The following LRP4 variants were observed in gnomAD, a reference collection of about 807,000 sequenced individuals.
LRP4 encodes LDL receptor related protein 4.
A neutral mutation model predicts 220.3 loss-of-function variants in LRP4; 95 were observed. That is an observed-to-expected ratio of 0.43 (90% CI 0.37 to 0.51). The LOEUF (loss-of-function observed/expected upper bound fraction) is 0.51, where lower values mean the gene tolerates loss of function less well. Ranked by LOEUF, LRP4 falls within the 20% of genes least tolerant of loss-of-function variation. The pLI is 0.00. For synonymous variants in LRP4, 903 were observed against 954.6 expected (o/e 0.95, Z 1.00); for missense variants, 1,925 against 2,567.0 (o/e 0.75, Z 5.40).
chr11:46,886,304 C>T (rs1047635989), intron 17 of LRP4, 21 bp downstream of exon 17: 3 of 1,588,938 alleles, frequency 1.9e-6, no homozygotes, highest in South Asian at 2.3e-5. Flanking sequence ...CACCCTTCAA[C>T]CTCCCCACGC....
intron 20 of LRP4, 112 bp from the exon 21 acceptor site, chr11:46,879,427 T>A: frequency 6.0e-6 from 6 of 1,000,610 alleles, no homozygotes; most frequent in Non-Finnish European, 9.2e-6. Context: ...ACCTACTGGG[T>A]GACCTCCAGT....
At position 46,859,106 on chromosome 11, in the gene LRP4, C is replaced by T; in HGVS notation, c.5595G>A (p.Leu1865=). The T allele has an allele frequency of 1.2e-6, 2 of 1,614,166 alleles. No individual in the cohort carries two copies. The highest frequency in any genetic ancestry group is 1.1e-5 in the South Asian group (1 of 91,082). ...TACACTCAGACTGCTCTTCCTGTAA[C>T]AGCTGCTCCGTCTCTGTGTCATCCA... ...GSLDDTETEQ[L]LQEEQSECSS... Residue 1865 remains leucine (L), a synonymous_variant, in exon 38 of 38, where the codon CTG becomes CTA. Transcript: ENST00000378623.
chr11:46,886,216 T>C (rs777243680), intron 17 of LRP4, 44 bp from the exon 18 acceptor site: 8 of 1,599,274 alleles, frequency 5.0e-6, no homozygotes, highest in South Asian at 2.2e-5. Flanking sequence ...ACTTCCACTC[T>C]AGTTCTGGAG....
rs1292022846 is a variant in LRP4 at position 46,899,962 on chromosome 11, C to T, written c.331G>A (p.Glu111Lys). ...TTCTGGCAGGGAAACTCGTCCTCCT[C>T]ACACTCCCGGGGGGCTGTGGGCACA... ...DEQDCPPRECEEDEFPCQNGY... is the reference protein window; with the variant it reads ...DEQDCPPRECKEDEFPCQNGY... The change falls in exon 4 of 38, where the codon GAG becomes AAG. Residue 111 changes from glutamate (E) to lysine (K), a missense_variant. Around this residue, in one of 3 missense-constraint regions of LRP4, gnomAD observed 412 missense variants for 505.4 expected, o/e 0.82. Transcript: ENST00000378623. The surrounding 1 kb of genome is among the most constrained non-coding windows in gnomAD (Gnocchi z 5.9). The T allele has an allele frequency of 6.2e-7, 1 of 1,613,480 alleles. No homozygotes were observed. Among genetic ancestry groups the T allele is most frequent in the South Asian group, 1.1e-5 (1 of 91,086 alleles).
At chr11:46,905,853 A>C (rs1293479487) in intron 1 of LRP4, among the ~76,000 whole-genome samples, 2 of 112,968 alleles carry the variant, frequency 1.8e-5, no homozygotes, top group East Asian at 4.8e-4. Context: ...ACTCCGTCTC[A>C]AAAAAAAAAA....
chr11:46,875,085 G>A lies in LRP4; in HGVS notation c.3944C>T (p.Ser1315Leu), dbSNP rs150681693. 7.7e-4 allele frequency: 1,239 copies of A among 1,613,310 alleles called. 6 individuals carry two copies. The highest frequency in any genetic ancestry group is 9.7e-4 in the Non-Finnish European group (1,142 of 1,180,022). ...GAGGTGGGAGCAGCCGCCATTTCTC[G>A]AGCCGCACTTGTTAAAACCTGGTGA... Reference protein sequence around the residue: ...AQPLGFNKCGSRNGGCSHLCL... With the variant: ...AQPLGFNKCGLRNGGCSHLCL... Residue 1315 changes from serine to leucine, a missense_variant, in exon 28 of 38, where the codon TCG (serine) becomes TTG (leucine). This residue lies in a region of LRP4 where 1,244 missense variants were observed against 1,624.9 expected (regional missense o/e 0.77). Transcript: ENST00000378623. The surrounding 1 kb of genome is among the most constrained non-coding windows in gnomAD (Gnocchi z 4.5).
intron 2 of LRP4, among the ~76,000 whole-genome samples, chr11:46,901,329 G>A (rs1941661719): frequency 6.6e-6 from 1 of 152,160 alleles, no homozygotes; most frequent in Non-Finnish European, 1.5e-5. Context: ...GTTAAATGAT[G>A]ATTGACACAC....
At position 46,883,767 on chromosome 11, in the gene LRP4, A is replaced by T. The variant is rs17790156; in HGVS notation, c.2612+104T>A. On this transcript the variant is annotated intron_variant, in intron 19 of 37. Coordinates refer to ENST00000378623, the MANE Select transcript of LRP4 (RefSeq NM_002334.4). ...TACAGCTGCTCTTGCTTCCTTGGGC[A>T]TATCCATAAGATCTGGTCACTCTTC... The T allele has an allele frequency of 0.092, 81,260 of 881,900 alleles. 3,929 individuals carry two copies. The highest frequency in any genetic ancestry group is 0.1 in the Non-Finnish European group (56,722 of 551,966). 54.6% of individuals were successfully genotyped at this position (881,900 alleles called of 1,614,324 possible). A position where few individuals can be genotyped will look rare whatever the true frequency, so the allele number is the denominator to read the frequency against.
At chr11:46,876,879 G>C in intron 23 of LRP4, 49 bp from the exon 24 acceptor site, 1 of 1,365,430 alleles carries the variant, frequency 7.3e-7, no homozygotes, top group Non-Finnish European at 1.0e-6. Context: ...GCCTACAATG[G>C]GACACACACA....
intron 31 of LRP4, 31 bp downstream of exon 31, chr11:46,871,494 A>C: frequency 1.4e-6 from 2 of 1,431,234 alleles, no homozygotes; most frequent in Non-Finnish European, 2.0e-6. Flanking sequence ...CCAGTCAAGG[A>C]GGTTTAGTTA....
At chr11:46,893,315 G>A (rs1485168087) in intron 12 of LRP4, among the ~76,000 whole-genome samples, 186 bp from the exon 13 acceptor site, 1 of 152,200 alleles carries the variant, frequency 6.6e-6, no homozygotes, top group African/African-American at 2.4e-5. Flanking sequence ...CCATGAGGAT[G>A]AGGAAATTGA....
Position 46,858,849 on chromosome 11 carries a change from C to T in LRP4, c.*134G>A, listed in dbSNP as rs1940451892. On this transcript the variant is annotated 3_prime_UTR_variant, in exon 38 of 38. Transcript: ENST00000378623. ...ACGTGGTAAACAGCTCCGGTGAAGG[C>T]TTAGGAACAGTTATGGGGTGGGAGG... 1 of 851,966 alleles carries T rather than the reference C, an allele frequency of 1.2e-6. No homozygotes were observed. The highest frequency in any genetic ancestry group is 2.0e-6 in the Non-Finnish European group (1 of 505,606). 52.8% of individuals were successfully genotyped at this position (851,966 alleles called of 1,614,324 possible).
At position 46,918,034 on chromosome 11, in the gene LRP4, A is replaced by G. The variant is rs1941976965; in HGVS notation, c.52+294T>C. Among the ~76,000 whole-genome samples the G allele has an allele frequency of 6.6e-6, 1 of 152,192 alleles. No individual in the cohort carries two copies. Reference sequence around the variant, plus strand: ...GAAAGGGAAGCAGCCCCCGCTCTTGAAAGAGCAGCGAGGGAGGGCGAGCGA... The same window carrying G: ...GAAAGGGAAGCAGCCCCCGCTCTTGGAAGAGCAGCGAGGGAGGGCGAGCGA... On this transcript the variant is annotated intron_variant, in intron 1 of 37. Coordinates refer to ENST00000378623, the MANE Select transcript of LRP4 (RefSeq NM_002334.4). The surrounding 1 kb of genome is among the most constrained non-coding windows in gnomAD (Gnocchi z 6.0).
intron 36 of LRP4, among the ~76,000 whole-genome samples, chr11:46,863,921 A>G (rs531597678): frequency 2.6e-5 from 4 of 152,228 alleles, no homozygotes; most frequent in Non-Finnish European, 4.4e-5. Context: ...CAACAGCAGC[A>G]AACTGTAAGC....
Position 46,881,818 on chromosome 11 carries a change from A to G in LRP4, c.2698T>C (p.Ser900Pro). Reference protein sequence around the residue: ...DASGRQVIISSNLTWPNGLAI... With the variant: ...DASGRQVIISPNLTWPNGLAI... ...AACCCATTAGGCCAGGTCAGATTAG[A>G]AGAGATAATGACTTGGCGGCCTGAG... Residue 900 changes from serine to proline, a missense_variant, in exon 20 of 38, where the codon TCT becomes CCT. Around this residue, in one of 3 missense-constraint regions of LRP4, gnomAD observed 1,244 missense variants for 1,624.9 expected, o/e 0.77. Coordinates refer to ENST00000378623, the MANE Select transcript of LRP4 (RefSeq NM_002334.4). The G allele has an allele frequency of 6.2e-7, 1 of 1,614,242 alleles. No homozygotes were observed. Among genetic ancestry groups the G allele is most frequent in the East Asian group, 2.2e-5 (1 of 44,892 alleles).
At position 46,886,368 on chromosome 11, in the gene LRP4, G is replaced by A. The variant is rs2134828263; in HGVS notation, c.2381C>T (p.Thr794Ile). 1 of 1,603,344 alleles carries A rather than the reference G, an allele frequency of 6.2e-7. No individual in the cohort carries two copies. ...DDHVYWTDVS[T>I]DTISRAKWDG... is the part of the protein sequence containing the mutation. Reference sequence around the variant, plus strand: ...CCACTTGGCCCTGCTGATGGTATCAGTGCTGACATCTGTCCAGTACACGTG... The same window carrying A: ...CCACTTGGCCCTGCTGATGGTATCAATGCTGACATCTGTCCAGTACACGTG... Residue 794 changes from threonine to isoleucine, a missense_variant, in exon 17 of 38, where the codon ACT becomes ATT. Thr to Ile is a moderately conservative substitution (Grantham distance 89). Transcript: ENST00000378623.
rs1312542736 is a variant in LRP4 at position 46,857,034 on chromosome 11, CT to C, written c.*1948del. ...ATTAGTTTAGGACAGAGAGATTTTG[CT>C]TTTTACAGAGTAAATCAGTGCTCAA... On this transcript the variant is annotated 3_prime_UTR_variant, in exon 38 of 38. Transcript: ENST00000378623. The C allele has an allele frequency of 6.6e-6, 1 of 152,626 alleles. No homozygotes were observed. The highest frequency in any genetic ancestry group is 6.5e-5 in the Admixed American group (1 of 15,274). 9.5% of individuals were successfully genotyped at this position (152,626 alleles called of 1,614,324 possible).
At position 46,881,934 on chromosome 11, in the gene LRP4, C is replaced by T. The variant is rs148308612; in HGVS notation, c.2613-31G>A. Reference sequence around the variant, plus strand: ...CAAAGGCAAGGCAAGGCAGGTCTTACAAGCTAGTTAATATCCAGCAGGGAC... The same window carrying T: ...CAAAGGCAAGGCAAGGCAGGTCTTATAAGCTAGTTAATATCCAGCAGGGAC... On this transcript the variant is annotated intron_variant, in intron 19 of 37. Coordinates refer to ENST00000378623, the MANE Select transcript of LRP4 (RefSeq NM_002334.4). 439 of 1,610,796 alleles carry T rather than the reference C, an allele frequency of 2.7e-4. No individual in the cohort carries two copies. The African/African-American group carries it at 5.0e-3, about 18-fold the overall frequency.
Position 46,874,882 on chromosome 11 carries a change from C to T in LRP4, c.4147G>A (p.Glu1383Lys). ...TCCAGGGAGATGACATTGTTGAGCT[C>T]AGGAACAGGGACATGCACATCGGTG... ...DHTDVHVPVP[E>K]LNNVISLDYD... The change falls in exon 28 of 38, where the codon GAG becomes AAG. Residue 1383 changes from glutamate to lysine, a missense_variant. Physicochemically the swap from Glu to Lys is moderately conservative, Grantham distance 56. Transcript: ENST00000378623. 6.2e-7 allele frequency: 1 copy of T among 1,614,204 alleles called. No homozygotes were observed. The highest frequency in any genetic ancestry group is 8.5e-7 in the Non-Finnish European group (1 of 1,180,036).
Sources: gnomAD v4.1 joint callset for allele counts (sites outside exome capture counted in the v4.1 genomes callset) on GRCh38, gnomAD v4.1.1 for gene constraint, gnomAD v4.1.1 regional missense constraint, Gnocchi (gnomAD v3.1) non-coding constraint, MANE v1.5 for transcripts, NCBI Gene and HGNC (gene_info 2026-07-23, HGNC 2026-07-21) for gene names.